The following MTA3 variants were observed in gnomAD, a reference collection of about 807,000 sequenced individuals.
The protein encoded by MTA3 is metastasis-associated protein MTA3.
MTA3 carries 34 observed loss-of-function variants against 83.5 expected under a neutral mutation model. That is an observed-to-expected ratio of 0.41 (90% CI 0.31 to 0.54). The LOEUF (loss-of-function observed/expected upper bound fraction) is 0.54. Among genes scored for constraint, MTA3 ranks in the 20% least tolerant of loss-of-function variants. The pLI, the probability that MTA3 is intolerant of heterozygous loss-of-function variation, is 0.33. For missense variants in MTA3, 761 were observed against 726.4 expected (o/e 1.05, Z -0.55); for synonymous variants, 303 against 252.7 (o/e 1.20, Z -1.89).
chr2:42,629,333 C>T (rs1371720477), intron 4 of MTA3, among the ~76,000 whole-genome samples: 1 of 152,170 alleles, frequency 6.6e-6, no homozygotes, highest in Non-Finnish European at 1.5e-5. Flanking sequence ...CCTGCCTCGG[C>T]CTCCCAAAGT....
chr2:42,637,721 G>A (rs1305690456), intron 4 of MTA3, among the ~76,000 whole-genome samples: 5 of 152,004 alleles, frequency 3.3e-5, no homozygotes, highest in Non-Finnish European at 7.4e-5. Context: ...TTAAAACTTA[G>A]ATCACTTATT....
At chr2:42,605,764 C>T (rs1176003377) in intron 3 of MTA3, among the ~76,000 whole-genome samples, 1 of 124,792 alleles carries the variant, frequency 8.0e-6, no homozygotes, top group Non-Finnish European at 1.7e-5. Context: ...GGCAGAGGGG[C>T]TCCTCACTTC....
intron 2 of MTA3, among the ~76,000 whole-genome samples, chr2:42,502,447 T>C (rs900557677): frequency 1.3e-5 from 2 of 152,162 alleles, no homozygotes; most frequent in Admixed American, 6.5e-5. Flanking sequence ...CTTTACTTTC[T>C]ATAGGGAAAT....
intron 4 of MTA3, among the ~76,000 whole-genome samples, chr2:42,622,663 T>A (rs1420419586): frequency 3.5e-5 from 5 of 144,654 alleles, no homozygotes; most frequent in Non-Finnish European, 7.7e-5. Flanking sequence ...TTTTTGCCTA[T>A]TTTTTTTTTT....
intron 16 of MTA3, among the ~76,000 whole-genome samples, chr2:42,731,769 T>G (rs1668247664): frequency 6.6e-6 from 1 of 152,178 alleles, no homozygotes; most frequent in Admixed American, 6.5e-5. Context: ...CATTTTAGCA[T>G]TAACCCAAAA....
At chr2:42,670,851 C>T (rs1354609681) in intron 8 of MTA3, among the ~76,000 whole-genome samples, 2 of 150,950 alleles carry the variant, frequency 1.3e-5, no homozygotes, top group Non-Finnish European at 1.5e-5. Flanking sequence ...AAATAAAAAC[C>T]AAGGATATTC....
chr2:42,674,488 T>G (rs1691143328), intron 8 of MTA3, among the ~76,000 whole-genome samples: 1 of 152,222 alleles, frequency 6.6e-6, no homozygotes, highest in Non-Finnish European at 1.5e-5. Context: ...TTTTTACAAT[T>G]TAGATTTGAA....
rs143998647 is a variant in MTA3 at position 42,692,201 on chromosome 2, T to C, written c.892-3564T>C. The stretch of plus-strand genomic sequence containing the variant: ...CTGACTGGGTGTTTTTCAAATAGCC[T>C]GTCTTCAGGCTCAATAATTCTTCCT... On this transcript the variant is annotated intron_variant, in intron 9 of 16. Transcript: ENST00000405094. Among the ~76,000 whole-genome samples, 853 of 152,326 alleles carry C rather than the reference T, an allele frequency of 5.6e-3. 9 individuals are homozygous for C. Among genetic ancestry groups the C allele is most frequent in the African/African-American group, 0.019 (772 of 41,574 alleles).
chr2:42,622,151 C>A (rs1479309738), intron 4 of MTA3, among the ~76,000 whole-genome samples: 1 of 152,176 alleles, frequency 6.6e-6, no homozygotes, highest in Non-Finnish European at 1.5e-5. Flanking sequence ...GTCTGCAATC[C>A]CGGCACCTCG....
intron 14 of MTA3, among the ~76,000 whole-genome samples, chr2:42,711,471 ATTTTG>A (rs1036120381): frequency 2.0e-4 from 31 of 152,242 alleles, no homozygotes; most frequent in African/African-American, 7.0e-4. Flanking sequence ...AGCATGTATT[ATTTTG>A]TTTTGTATTT....
chr2:42,498,820 T>G (rs1170559739), intron 2 of MTA3, among the ~76,000 whole-genome samples: 2 of 152,186 alleles, frequency 1.3e-5, no homozygotes, highest in Non-Finnish European at 2.9e-5. Context: ...AAAACTCCTA[T>G]TTTTAGGGAG....
intron 4 of MTA3, among the ~76,000 whole-genome samples, chr2:42,616,856 A>G (rs1205596525): frequency 2.0e-5 from 3 of 152,076 alleles, no homozygotes; most frequent in Non-Finnish European, 2.9e-5. Flanking sequence ...AAGTGTTGGG[A>G]TTACAGGCGT....
At chr2:42,594,728 A>ATATATATATATTTTTTT in intron 3 of MTA3, among the ~76,000 whole-genome samples, 11 of 24,040 alleles carry the variant, frequency 4.6e-4, no homozygotes, top group Admixed American at 8.8e-4. Flanking sequence ...ATATATATAT[A>ATATATATATATTTTTTT]TTTTTTTTTT....
chr2:42,643,321 G>A (rs1229743669), intron 5 of MTA3, among the ~76,000 whole-genome samples: 1 of 152,060 alleles, frequency 6.6e-6, no homozygotes, highest in Non-Finnish European at 1.5e-5. Flanking sequence ...ATAACCTTTG[G>A]GATCGTAGTG....
chr2:42,734,470 CT>C (rs3040123), intron 16 of MTA3, among the ~76,000 whole-genome samples: 2,878 of 82,140 alleles, frequency 0.035, 26 homozygotes, highest in Non-Finnish European at 0.044. Flanking sequence ...ATCACGGGGC[CT>C]TTTTTTTTTT....
In MTA3 at chr2:42,606,764, C is replaced by T. The variant is rs1316709806; in HGVS notation, c.191-2694C>T. On this transcript the variant is annotated intron_variant, in intron 3 of 16. Coordinates refer to ENST00000405094, the MANE Select transcript of MTA3 (RefSeq NM_001330442.2). ...TGTAGGTTGTAGTGAGCCGAGATCA[C>T]GCCACTGCACCCCAGCCTGGGCACC... Among the ~76,000 whole-genome samples the T allele has an allele frequency of 4.0e-5, 6 of 151,604 alleles. No individual in the cohort carries two copies. The South Asian group carries it at 8.4e-4, about 21-fold the overall frequency.
intron 3 of MTA3, among the ~76,000 whole-genome samples, chr2:42,608,873 A>G (rs941116088): frequency 5.3e-5 from 8 of 151,808 alleles, no homozygotes; most frequent in Non-Finnish European, 1.0e-4. Flanking sequence ...GACAGAGCAA[A>G]CTCTATCTCC....
rs200898090 is a variant in MTA3, at chr2:42,665,390, CAAAA to C, written c.702+5533_702+5536del. Among the ~76,000 whole-genome samples the C allele has an allele frequency of 0.018, 1,232 of 67,216 alleles. 118 individuals carry two copies. The East Asian group carries it at 0.31, about 17-fold the overall frequency. 44.1% of individuals were successfully genotyped at this position (67,216 alleles called of 152,430 possible). On this transcript the variant is annotated intron_variant, in intron 8 of 16. Transcript: ENST00000405094. ...CTGGGTGACAGAGCAAGTTTCCTCT[CAAAA>C]AAAAGAAAGAAAGAAAAAGTAGGTT... is the stretch of plus-strand genomic sequence containing the variant.
intron 14 of MTA3, among the ~76,000 whole-genome samples, chr2:42,716,798 T>TG (rs1172831477): frequency 6.6e-6 from 1 of 152,212 alleles, no homozygotes; most frequent in Non-Finnish European, 1.5e-5. Flanking sequence ...AACATATACA[T>TG]GCATGTGTCT....
Sources: allele counts gnomAD v4.1 joint callset (sites outside exome capture counted in the v4.1 genomes callset), GRCh38; gene constraint gnomAD v4.1.1; transcripts MANE v1.5; gene names NCBI Gene and HGNC (gene_info 2026-07-23, HGNC 2026-07-21).